Variants in HMHB1 observed in about 807,000 individuals in gnomAD.
HMHB1 encodes histocompatibility minor HB-1, also known as minor histocompatibility protein HB-1.
A neutral mutation model predicts 2.4 loss-of-function variants in HMHB1; 4 were observed. The observed-to-expected ratio is 1.65, with a 90% CI of 0.81 to 3.77. The LOEUF (loss-of-function observed/expected upper bound fraction) is 3.77, where lower values mean the gene tolerates loss of function less well. HMHB1 is among the 30% of genes most tolerant of loss of function. HMHB1 has a pLI of 0.01. For synonymous variants in HMHB1, 22 were observed against 17.6 expected, an observed-to-expected ratio of 1.25 and a Z score of -0.63; for missense variants, 57 against 44.2, an observed-to-expected ratio of 1.29 and a Z score of -0.82.
At chr5:143,814,491 G>A (rs951787583) in intron 1 of HMHB1, among the ~76,000 whole-genome samples, 11 of 152,000 alleles carry the variant, frequency 7.2e-5, no homozygotes, top group East Asian at 1.9e-4. Context: ...CATTTTTTGC[G>A]TTTCAGTTCA....
At position 143,820,507 on chromosome 5, in the gene HMHB1, T is replaced by G. The variant is rs1446333732; in HGVS notation, c.65T>G (p.Leu22Trp). Residue 22 changes from leucine (L) to tryptophan (W), a missense_variant, in exon 2 of 2, where the codon TTG (leucine) becomes TGG (tryptophan). Physicochemically the swap from Leu to Trp is moderately conservative, Grantham distance 61. Transcript: ENST00000289448. Reference sequence around the variant, plus strand: ...TCTCTGCATGTTTGGAAGTCGGAATTGGTTGAAGTTGAAGATGATGTGTAT... The same window carrying G: ...TCTCTGCATGTTTGGAAGTCGGAATGGGTTGAAGTTGAAGATGATGTGTAT... 6.2e-7 allele frequency: 1 copy of G among 1,612,772 alleles called. No individual in the cohort carries two copies. The highest frequency in any genetic ancestry group is 1.1e-5 in the South Asian group (1 of 91,034).
At chr5:143,814,206 T>C (rs1421684405) in intron 1 of HMHB1, among the ~76,000 whole-genome samples, 3 of 152,238 alleles carry the variant, frequency 2.0e-5, no homozygotes, top group African/African-American at 7.2e-5. Context: ...CTGTCCAGGC[T>C]GCATCCAGCC....
intron 1 of HMHB1, among the ~76,000 whole-genome samples, chr5:143,818,704 G>A (rs755198497): frequency 1.3e-5 from 2 of 152,140 alleles, no homozygotes; most frequent in Non-Finnish European, 2.9e-5. Flanking sequence ...ACTTTATGGA[G>A]TAATAAGATA....
intron 1 of HMHB1, among the ~76,000 whole-genome samples, chr5:143,820,227 G>A (rs1417221812): frequency 7.0e-6 from 1 of 142,108 alleles, no homozygotes; most frequent in Non-Finnish European, 1.5e-5. Flanking sequence ...GAAATTCAAT[G>A]AATAACATGC....
chr5:143,816,530 T>G (rs1270180735), intron 1 of HMHB1, among the ~76,000 whole-genome samples: 1 of 152,206 alleles, frequency 6.6e-6, no homozygotes, highest in African/African-American at 2.4e-5. Flanking sequence ...TGGATGCCAT[T>G]AATTAATTCC....
intron 1 of HMHB1, among the ~76,000 whole-genome samples, chr5:143,817,562 A>G (rs1038768978): frequency 5.9e-5 from 9 of 152,150 alleles, no homozygotes; most frequent in Non-Finnish European, 1.2e-4. Context: ...CCATTGGTCT[A>G]TGTGCCTATT....
intron 1 of HMHB1, among the ~76,000 whole-genome samples, chr5:143,818,177 T>A (rs1429973889): frequency 6.6e-6 from 1 of 152,228 alleles, no homozygotes; most frequent in East Asian, 1.9e-4. Flanking sequence ...ATTATTCCAA[T>A]AGGCATAGTA....
rs116206268 is a variant in HMHB1, at chr5:143,820,694, A to G, written c.*126A>G. On this transcript the variant is annotated 3_prime_UTR_variant, in exon 2 of 2. Coordinates refer to ENST00000289448, the MANE Select transcript of HMHB1 (RefSeq NM_021182.3). ...TATGCCCTTTGCCTCTGCTCTGCAC[A>G]GTGAAATGAAAAGTCAACCTTTGAA... is the stretch of plus-strand genomic sequence containing the variant. 9.2e-4 allele frequency: 529 copies of G among 573,368 alleles called. 3 individuals are homozygous for G. Among genetic ancestry groups the G allele is most frequent in the African/African-American group, 9.1e-3 (484 of 53,392 alleles). The allele number at this position is 573,368 out of a possible 1,614,324, so 35.5% of individuals were successfully genotyped here. A position where few individuals can be genotyped will look rare whatever the true frequency, so the allele number is the denominator to read the frequency against.
At chr5:143,814,589 C>T (rs1208783993) in intron 1 of HMHB1, among the ~76,000 whole-genome samples, 2 of 152,174 alleles carry the variant, frequency 1.3e-5, no homozygotes, top group Non-Finnish European at 2.9e-5. Flanking sequence ...TCACATCCTC[C>T]TCATTTTTTA....
At chr5:143,814,758 T>A (rs1759729417) in intron 1 of HMHB1, among the ~76,000 whole-genome samples, 1 of 152,248 alleles carries the variant, frequency 6.6e-6, no homozygotes, top group South Asian at 2.1e-4. Flanking sequence ...TGGCCTCACC[T>A]ACAAATAGAG....
chr5:143,820,574 C>T lies in HMHB1; in HGVS notation c.*6C>T. Reference sequence around the variant, plus strand: ...CCCTGACTTATAGGCTTTGACACTGCTGTTGAGGTTTGACTCGAAGCCCAG... The same window carrying T: ...CCCTGACTTATAGGCTTTGACACTGTTGTTGAGGTTTGACTCGAAGCCCAG... On this transcript the variant is annotated 3_prime_UTR_variant, in exon 2 of 2. Transcript: ENST00000289448. 2.5e-6 allele frequency: 4 copies of T among 1,595,084 alleles called. No individual in the cohort carries two copies. Among genetic ancestry groups the T allele is most frequent in the Non-Finnish European group, 3.4e-6 (4 of 1,163,156 alleles).
At chr5:143,819,869 C>A (rs1315600616) in intron 1 of HMHB1, among the ~76,000 whole-genome samples, 1 of 152,124 alleles carries the variant, frequency 6.6e-6, no homozygotes, top group Non-Finnish European at 1.5e-5. Flanking sequence ...TATGGAAAAA[C>A]TGTTCTTAAG....
At chr5:143,815,612 C>T (rs865890636) in intron 1 of HMHB1, among the ~76,000 whole-genome samples, 1 of 151,398 alleles carries the variant, frequency 6.6e-6, no homozygotes, top group Admixed American at 6.6e-5. Flanking sequence ...ACTGCAACCT[C>T]CACATTTCGG....
At chr5:143,819,549 C>T (rs371977278) in intron 1 of HMHB1, among the ~76,000 whole-genome samples, 52 of 150,560 alleles carry the variant, frequency 3.5e-4, no homozygotes, top group Non-Finnish European at 5.7e-4. Flanking sequence ...GCAGGAGAAT[C>T]GCTTGAGCTC....
chr5:143,817,467 T>C (rs1759762359), intron 1 of HMHB1, among the ~76,000 whole-genome samples: 1 of 152,200 alleles, frequency 6.6e-6, no homozygotes, highest in African/African-American at 2.4e-5. Flanking sequence ...AAGGGTGTCC[T>C]TTCCCCACTT....
At chr5:143,817,315 C>T (rs1759759590) in intron 1 of HMHB1, among the ~76,000 whole-genome samples, 1 of 152,142 alleles carries the variant, frequency 6.6e-6, no homozygotes, top group African/African-American at 2.4e-5. Flanking sequence ...CCAATGTTCT[C>T]TTCTAGAATT....
chr5:143,819,686 C>A (rs1354721765), intron 1 of HMHB1, among the ~76,000 whole-genome samples: 1 of 151,472 alleles, frequency 6.6e-6, no homozygotes, highest in African/African-American at 2.4e-5. Flanking sequence ...ATGGCAATAC[C>A]CCATGTCTCA....
intron 1 of HMHB1, among the ~76,000 whole-genome samples, chr5:143,816,225 T>C (rs1759748111): frequency 6.6e-6 from 1 of 152,160 alleles, no homozygotes; most frequent in Non-Finnish European, 1.5e-5. Context: ...TTTCCATAGG[T>C]TATTGTGGAG....
At position 143,812,195 on chromosome 5, in the gene HMHB1, A is replaced by G. The variant is rs2232234; in HGVS notation, c.-73A>G. The G allele has an allele frequency of 4.9e-6, 7 of 1,433,300 alleles. No individual in the cohort carries two copies. Among genetic ancestry groups the G allele is most frequent in the Non-Finnish European group, 5.7e-6 (6 of 1,045,102 alleles). The allele number at this position is 1,433,300 out of a possible 1,614,324, so 88.8% of individuals were successfully genotyped here. A position where few individuals can be genotyped will look rare whatever the true frequency, so the allele number is the denominator to read the frequency against. ...AGGAGGCCGAGGCGGCTTGCCCCGC[A>G]TCTCAGAAGCCGGGCAGGCCCTGAG... is the stretch of plus-strand genomic sequence containing the variant. On this transcript the variant is annotated 5_prime_UTR_variant, in exon 1 of 2. Coordinates refer to ENST00000289448, the MANE Select transcript of HMHB1 (RefSeq NM_021182.3).
Sources: gnomAD v4.1 joint callset for allele counts (sites outside exome capture counted in the v4.1 genomes callset) on GRCh38, gnomAD v4.1.1 for gene constraint, MANE v1.5 for transcripts, NCBI Gene and HGNC (gene_info 2026-07-23, HGNC 2026-07-21) for gene names.